The following COX7A2L variants were observed in gnomAD, a reference collection of about 807,000 sequenced individuals.
COX7A2L encodes the protein cytochrome c oxidase subunit 7A2 like.
A neutral mutation model predicts 14.2 loss-of-function variants in COX7A2L; 18 were observed. The ratio of observed to expected loss-of-function variants is 1.27; its 90% CI spans 0.88 to 1.88. The LOEUF (loss-of-function observed/expected upper bound fraction) is 1.88, where lower values mean the gene tolerates loss of function less well. Ranked by LOEUF, COX7A2L falls within the 40% of genes most tolerant of loss-of-function variation. The pLI is 0.00. For missense variants in COX7A2L, 179 were observed against 138.8 expected (o/e 1.29, Z -1.46); for synonymous variants, 65 against 57.4 (o/e 1.13, Z -0.60).
chr2:42,337,436 T>C (rs1209078013), intron 2 of COX7A2L, among the ~76,000 whole-genome samples: 2 of 152,030 alleles, frequency 1.3e-5, no homozygotes, highest in African/African-American at 4.8e-5. Flanking sequence ...GAGAAAAGAC[T>C]AGTGACTTCA....
upstream of COX7A2L, chr2:42,361,464 C>A: frequency 3.6e-6 from 1 of 277,894 alleles, no homozygotes; most frequent in South Asian, 5.6e-5. Context: ...AGTGCCACGA[C>A]AACTCAAGAA....
rs1026286770 is a variant in COX7A2L, at chr2:42,350,160, G to GT, written c.*1058dup. On this transcript the variant is annotated 3_prime_UTR_variant, in exon 3 of 3. Coordinates refer to ENST00000234301, the MANE Select transcript of COX7A2L (RefSeq NM_004718.4). ...CAAGAGGTCACTGTTCTGTGCTATG[G>GT]TAAGATACAAACTATTCCTTCATAT... 6.6e-6 allele frequency: 1 copy of GT among 152,090 alleles called. No homozygotes were observed. The highest frequency in any genetic ancestry group is 2.4e-5 in the African/African-American group (1 of 41,374). 9.4% of individuals were successfully genotyped at this position (152,090 alleles called of 1,614,324 possible).
intron 2 of COX7A2L, among the ~76,000 whole-genome samples, chr2:42,340,621 G>A (rs763157932): frequency 6.6e-6 from 1 of 151,700 alleles, no homozygotes; most frequent in Non-Finnish European, 1.5e-5. Context: ...CCCCCCAGGC[G>A]CACCCGAGAT....
At position 42,351,294 on chromosome 2, in the gene COX7A2L, G is replaced by A. The variant is rs1197410311; in HGVS notation, c.270C>T (p.Thr90=). The A allele has an allele frequency of 6.2e-7, 1 of 1,614,186 alleles. No homozygotes were observed. The highest frequency in any genetic ancestry group is 2.2e-5 in the East Asian group (1 of 44,874). Reference sequence around the variant, plus strand: ...TGGTCCCTCCCACAGTCAGCGCCATGGTGGTCCGGTAAAGCATTTGGTCAG... The same window carrying A: ...TGGTCCCTCCCACAGTCAGCGCCATAGTGGTCCGGTAAAGCATTTGGTCAG... ...GLPDQMLYRT[T]MALTVGGTIY... The change falls in exon 3 of 3, where the codon ACC becomes ACT. Residue 90 remains threonine (T), a synonymous_variant. Coordinates refer to ENST00000234301, the MANE Select transcript of COX7A2L (RefSeq NM_004718.4).
chr2:42,343,332 G>C (rs187325726), intron 2 of COX7A2L, among the ~76,000 whole-genome samples: 1 of 152,232 alleles, frequency 6.6e-6, no homozygotes, highest in Non-Finnish European at 1.5e-5. Flanking sequence ...AAGAGGTGGA[G>C]AGACACCCTG....
chr2:42,357,458 T>A (rs10187553), intron 1 of COX7A2L, among the ~76,000 whole-genome samples: 2 of 151,962 alleles, frequency 1.3e-5, no homozygotes, highest in South Asian at 2.1e-4. Context: ...ACAAGTACGC[T>A]TCACCATACC....
downstream of COX7A2L, among the ~76,000 whole-genome samples, chr2:42,345,148 T>A (rs945172494): frequency 6.6e-6 from 1 of 152,102 alleles, no homozygotes; most frequent in Non-Finnish European, 1.5e-5. Context: ...TTTGGGAGGC[T>A]GAGGCGGGCA....
At chr2:42,348,733 A>G (rs72798538), downstream of COX7A2L, among the ~76,000 whole-genome samples, 14,889 of 152,184 alleles carry the variant, frequency 0.098, 943 homozygotes, top group Middle Eastern at 0.19. Context: ...CTTGGCCTAC[A>G]TGGTGAAACC....
rs192786493 is a variant in COX7A2L, at chr2:42,339,121, T to C, written c.193-5252A>G. ...GTTCACCATGCCAAAGCTGAAGTGG[T>C]TTCTATGGGAAACTCTCACAATAAA... On this transcript the variant is annotated intron_variant, in intron 2 of 2. Transcript: ENST00000468711. This position sits in a 1 kb window ranked among gnomAD's most constrained non-coding sequence, Gnocchi z 5.4. Among the ~76,000 whole-genome samples the C allele has an allele frequency of 2.3e-4, 35 of 152,310 alleles. No homozygotes were observed. Among genetic ancestry groups the C allele is most frequent in the African/African-American group, 8.2e-4 (34 of 41,578 alleles).
Position 42,339,865 on chromosome 2 carries a change from GCT to G in COX7A2L, c.193-5998_193-5997del, listed in dbSNP as rs1283660741. ...TTTACATGAATGGAACCCCAAGTGT[GCT>G]CTCTGTCGTGTCCACCTTCCTCTGT... On this transcript the variant is annotated intron_variant, in intron 2 of 2. Transcript: ENST00000468711. This position sits in a 1 kb window ranked among gnomAD's most constrained non-coding sequence, Gnocchi z 5.4. 6.6e-6 allele frequency among the ~76,000 whole-genome samples: 1 copy of G among 152,082 alleles called. No homozygotes were observed. Among genetic ancestry groups the G allele is most frequent in the Admixed American group, 6.5e-5 (1 of 15,274 alleles).
At chr2:42,340,877 G>A (rs756487149) in intron 2 of COX7A2L, among the ~76,000 whole-genome samples, 5 of 152,190 alleles carry the variant, frequency 3.3e-5, no homozygotes, top group Admixed American at 6.5e-5. Flanking sequence ...CACTGCAGAA[G>A]GAATGATTTG....
At chr2:42,343,135 C>T (rs1232612505) in intron 2 of COX7A2L, among the ~76,000 whole-genome samples, 1 of 152,164 alleles carries the variant, frequency 6.6e-6, no homozygotes, top group Non-Finnish European at 1.5e-5. Flanking sequence ...ACCACCAAGG[C>T]ATGACATGGG....
intron 2 of COX7A2L, 50 bp downstream of exon 2, chr2:42,353,162 T>A (rs1404040550): frequency 1.6e-5 from 25 of 1,588,586 alleles, no homozygotes; most frequent in Non-Finnish European, 2.0e-5. Flanking sequence ...AGGGATTTTT[T>A]AAGCCTATTT....
At chr2:42,341,032 C>T (rs932875200) in intron 2 of COX7A2L, among the ~76,000 whole-genome samples, 5 of 120,284 alleles carry the variant, frequency 4.2e-5, no homozygotes, top group Non-Finnish European at 9.3e-5. Flanking sequence ...AGAATCCCCA[C>T]GCTGGCTTAG....
intron 1 of COX7A2L, among the ~76,000 whole-genome samples, chr2:42,356,202 G>C (rs777204049): frequency 6.6e-6 from 1 of 151,996 alleles, no homozygotes; most frequent in Non-Finnish European, 1.5e-5. Flanking sequence ...CCTTCTTCAG[G>C]TCTTTACCCA....
At chr2:42,355,651 G>T (rs1354402090) in intron 1 of COX7A2L, among the ~76,000 whole-genome samples, 1 of 143,220 alleles carries the variant, frequency 7.0e-6, no homozygotes, top group Non-Finnish European at 1.5e-5. Context: ...GTTATAAATT[G>T]TAACTTTTCC....
At chr2:42,362,883 TA>T (rs1444390097), upstream of COX7A2L, among the ~76,000 whole-genome samples, 327 of 135,008 alleles carry the variant, frequency 2.4e-3, 2 homozygotes, top group African/African-American at 8.4e-3. Context: ...TTTTTTTTTT[TA>T]AATTCTTTTT....
At chr2:42,344,285 T>C (rs146723789) in intron 2 of COX7A2L, among the ~76,000 whole-genome samples, 67 of 152,324 alleles carry the variant, frequency 4.4e-4, no homozygotes, top group African/African-American at 1.5e-3. Context: ...TACACATCTA[T>C]ACAACAGTCA....
At position 42,349,472 on chromosome 2, in the gene COX7A2L, T is replaced by C. The variant is rs1038295762; in HGVS notation, c.*1747A>G. The C allele has an allele frequency of 3.9e-5, 6 of 152,144 alleles. No individual in the cohort carries two copies. The highest frequency in any genetic ancestry group is 7.3e-5 in the Non-Finnish European group (5 of 68,032). The allele number at this position is 152,144 out of a possible 1,614,324, so 9.4% of individuals were successfully genotyped here. On this transcript the variant is annotated 3_prime_UTR_variant, in exon 3 of 3. Transcript: ENST00000234301. Reference sequence around the variant, plus strand: ...TTGGGATGGTGGGAGGGAAGGCAAGTGATTGCTAATGGGTATGGGGTTTCT... The same window carrying C: ...TTGGGATGGTGGGAGGGAAGGCAAGCGATTGCTAATGGGTATGGGGTTTCT...
Sources: gnomAD v4.1 joint callset for allele counts (sites outside exome capture counted in the v4.1 genomes callset) on GRCh38, gnomAD v4.1.1 for gene constraint, Gnocchi (gnomAD v3.1) non-coding constraint, MANE v1.5 for transcripts, NCBI Gene and HGNC (gene_info 2026-07-23, HGNC 2026-07-21) for gene names.